The following ADAMTS19 variants were observed in gnomAD, a reference collection of about 807,000 sequenced individuals.
The protein encoded by ADAMTS19 is ADAM metallopeptidase with thrombospondin type 1 motif 19, also known as A disintegrin and metalloproteinase with thrombospondin motifs 19.
In ADAMTS19, 93 loss-of-function variants were observed where a neutral mutation model predicts 153.3. That is an observed-to-expected ratio of 0.61 (90% CI 0.51 to 0.72). The LOEUF (loss-of-function observed/expected upper bound fraction) is 0.72, where lower values mean the gene tolerates loss of function less well. Among genes scored for constraint, ADAMTS19 ranks in the 30% least tolerant of loss-of-function variants. ADAMTS19 has a pLI of 0.00. For missense variants in ADAMTS19, 1,482 were observed against 1,552.1 expected, an observed-to-expected ratio of 0.95 and a Z score of 0.76; for synonymous variants, 600 against 556.6, an observed-to-expected ratio of 1.08 and a Z score of -1.10.
chr5:129,469,550 G>A (rs1401505479), intron 2 of ADAMTS19, among the ~76,000 whole-genome samples: 5 of 152,060 alleles, frequency 3.3e-5, no homozygotes, highest in African/African-American at 1.2e-4. Context: ...GTCAATTTTA[G>A]AGAAATATCT....
intron 2 of ADAMTS19, among the ~76,000 whole-genome samples, chr5:129,466,499 A>T (rs1005729509): frequency 6.6e-6 from 1 of 152,176 alleles, no homozygotes; most frequent in African/African-American, 2.4e-5. Flanking sequence ...AAAAGGTTAG[A>T]TACAATGGAA....
intron 2 of ADAMTS19, among the ~76,000 whole-genome samples, chr5:129,472,196 T>C (rs562601621): frequency 1.3e-5 from 2 of 152,394 alleles, no homozygotes; most frequent in African/African-American, 4.8e-5. Flanking sequence ...TTCGTTTTTC[T>C]CTGCAACCTT....
intron 15 of ADAMTS19, among the ~76,000 whole-genome samples, chr5:129,659,307 A>G (rs1031731315): frequency 6.6e-6 from 1 of 152,186 alleles, no homozygotes; most frequent in Non-Finnish European, 1.5e-5. Context: ...ACTAATACTC[A>G]GGGGATGTGA....
At chr5:129,611,366 GC>G (rs1751206504) in intron 8 of ADAMTS19, among the ~76,000 whole-genome samples, 1 of 152,282 alleles carries the variant, frequency 6.6e-6, no homozygotes, top group African/African-American at 2.4e-5. Flanking sequence ...CCTTGCCCAT[GC>G]CTATGTCCTG....
At chr5:129,636,162 T>C (rs1752524155) in intron 10 of ADAMTS19, among the ~76,000 whole-genome samples, 1 of 152,108 alleles carries the variant, frequency 6.6e-6, no homozygotes, top group Non-Finnish European at 1.5e-5. Flanking sequence ...CTCCCAAAGT[T>C]CTGGGATTAC....
In ADAMTS19 at chr5:129,595,310, A is replaced by G. The variant is rs545222172; in HGVS notation, c.1373-1249A>G. ...TTGAGACTTTCTGGAGTTCCACCCA[A>G]TTCAGAAGTTCTCTTCTCATCAAAA... On this transcript the variant is annotated intron_variant, in intron 7 of 22. Transcript: ENST00000274487. 3.3e-5 allele frequency among the ~76,000 whole-genome samples: 5 copies of G among 152,208 alleles called. No homozygotes were observed. In the South Asian group the frequency reaches 8.3e-4, roughly 25 times the overall value.
At chr5:129,573,699 T>C (rs1753993386) in intron 7 of ADAMTS19, among the ~76,000 whole-genome samples, 1 of 152,140 alleles carries the variant, frequency 6.6e-6, no homozygotes, top group African/African-American at 2.4e-5. Context: ...TTGGACACTT[T>C]ATATTTCTAT....
At chr5:129,660,480 T>C (rs1753774604) in intron 15 of ADAMTS19, among the ~76,000 whole-genome samples, 1 of 152,020 alleles carries the variant, frequency 6.6e-6, no homozygotes, top group Non-Finnish European at 1.5e-5. Context: ...TTATTTAGTA[T>C]GCCTGGAAAC....
chr5:129,650,742 A>G (rs1753281229), intron 13 of ADAMTS19, among the ~76,000 whole-genome samples: 1 of 152,052 alleles, frequency 6.6e-6, no homozygotes, highest in South Asian at 2.1e-4. Context: ...ATTTTTTAAC[A>G]TATTTAAGAC....
intron 19 of ADAMTS19, among the ~76,000 whole-genome samples, chr5:129,699,999 C>A (rs1755756559): frequency 6.6e-6 from 1 of 152,104 alleles, no homozygotes; most frequent in Admixed American, 6.5e-5. Context: ...CTACAAATAA[C>A]CTCGGGGATT....
intron 3 of ADAMTS19, among the ~76,000 whole-genome samples, chr5:129,522,299 G>GTGTATATA (rs1361330810): frequency 3.1e-5 from 3 of 97,740 alleles, no homozygotes; most frequent in Non-Finnish European, 5.8e-5. Flanking sequence ...GTGTGTGTGT[G>GTGTATATA]TATATATATA....
intron 10 of ADAMTS19, among the ~76,000 whole-genome samples, chr5:129,640,328 A>G (rs17163238): frequency 0.23 from 34,326 of 152,010 alleles, 4,326 homozygotes; most frequent in African/African-American, 0.33. Flanking sequence ...TAGGAAAATA[A>G]TATTTTGGGA....
At chr5:129,543,048 GT>G (rs745799730) in intron 6 of ADAMTS19, among the ~76,000 whole-genome samples, 4,568 of 140,252 alleles carry the variant, frequency 0.033, 202 homozygotes, top group African/African-American at 0.1. Context: ...TTGTTGTTTT[GT>G]TTTTTTTTTT....
chr5:129,603,020 T>G (rs1246670828), intron 8 of ADAMTS19, among the ~76,000 whole-genome samples: 1 of 152,142 alleles, frequency 6.6e-6, no homozygotes, highest in African/African-American at 2.4e-5. Context: ...TATAGGACAC[T>G]GCTTCCCTCA....
intron 7 of ADAMTS19, among the ~76,000 whole-genome samples, chr5:129,588,002 A>G (rs987983956): frequency 2.0e-5 from 3 of 152,126 alleles, no homozygotes; most frequent in Non-Finnish European, 4.4e-5. Context: ...TTTTGTTTCT[A>G]TAGTTCACTG....
chr5:129,578,627 T>C (rs1052449834), intron 7 of ADAMTS19, among the ~76,000 whole-genome samples: 1 of 151,948 alleles, frequency 6.6e-6, no homozygotes, highest in Non-Finnish European at 1.5e-5. Flanking sequence ...TGGTATGTAA[T>C]GTTCCCCTCC....
chr5:129,647,972 G>T, intron 12 of ADAMTS19, 77 bp downstream of exon 12: 1 of 1,483,282 alleles, frequency 6.7e-7, no homozygotes. Flanking sequence ...AAAGCATGTT[G>T]GAAAGCAAAA....
At chr5:129,526,531 G>A (rs1752014922) in intron 4 of ADAMTS19, 75 bp downstream of exon 4, 8 of 1,392,110 alleles carry the variant, frequency 5.7e-6, no homozygotes, top group Non-Finnish European at 6.8e-6. Context: ...TATTTATAAT[G>A]AAATTCTTTA....
At chr5:129,460,984 T>C (rs1749627092) in intron 1 of ADAMTS19, 118 bp from the exon 2 acceptor site, 1 of 1,238,848 alleles carries the variant, frequency 8.1e-7, no homozygotes, top group African/African-American at 1.6e-5. Flanking sequence ...TCTAGACGGG[T>C]GGTCTCCATT....
Sources: allele counts gnomAD v4.1 joint callset (sites outside exome capture counted in the v4.1 genomes callset), GRCh38; gene constraint gnomAD v4.1.1; transcripts MANE v1.5; gene names NCBI Gene and HGNC (gene_info 2026-07-23, HGNC 2026-07-21).